Variants in ADCY9 observed in about 807,000 individuals in gnomAD.
ADCY9 encodes adenylate cyclase 9.
A neutral mutation model predicts 101.5 loss-of-function variants in ADCY9; 50 were observed. That is an observed-to-expected ratio of 0.49 (90% CI 0.39 to 0.62). ADCY9 has a LOEUF of 0.62. Ranked by LOEUF, ADCY9 falls within the 20% of genes least tolerant of loss-of-function variation. The pLI is 0.00. For missense variants in ADCY9, 1,662 were observed against 1,800.4 expected, an observed-to-expected ratio of 0.92 and a Z score of 1.39; for synonymous variants, 905 against 769.3, an observed-to-expected ratio of 1.18 and a Z score of -2.92.
At chr16:4,075,496 G>A (rs936450173) in intron 2 of ADCY9, among the ~76,000 whole-genome samples, 3 of 152,138 alleles carry the variant, frequency 2.0e-5, no homozygotes, top group African/African-American at 4.8e-5. Flanking sequence ...TTAAACCCCA[G>A]AGGAACATTA....
In ADCY9 at chr16:3,983,491, G is replaced by A. The variant is rs1290566215; in HGVS notation, c.2311-51C>T. On this transcript the variant is annotated intron_variant, in intron 6 of 10. Coordinates refer to ENST00000294016, the MANE Select transcript of ADCY9 (RefSeq NM_001116.4). ...ATGACTGGGAGGCCATGGGCGGCCA[G>A]GAGCGCAGTTCAGATGGAGAAACAG... is the stretch of plus-strand genomic sequence containing the variant. 3 of 1,486,084 alleles carry A rather than the reference G, an allele frequency of 2.0e-6. No homozygotes were observed. The Admixed American group carries it at 5.8e-5, about 29-fold the overall frequency. 92.1% of individuals were successfully genotyped at this position (1,486,084 alleles called of 1,614,324 possible).
chr16:3,960,856 T>C (rs190999843), downstream of ADCY9, among the ~76,000 whole-genome samples: 264 of 152,336 alleles, frequency 1.7e-3, 1 homozygote, highest in Non-Finnish European at 2.9e-3. Context: ...TGTATAAAAA[T>C]AGACACTTGG....
chr16:3,987,632 G>C (rs575256861), intron 6 of ADCY9, among the ~76,000 whole-genome samples: 8 of 152,192 alleles, frequency 5.3e-5, no homozygotes, highest in Non-Finnish European at 7.3e-5. Flanking sequence ...GGACATTAAC[G>C]GATATTCACT....
At chr16:3,974,555 G>A in intron 10 of ADCY9, 114 bp downstream of exon 10, 2 of 778,256 alleles carry the variant, frequency 2.6e-6, no homozygotes, top group Non-Finnish European at 4.3e-6. Flanking sequence ...TTCTAAGAAT[G>A]CACGTATTGT....
At chr16:4,067,937 A>G (rs564589897) in intron 2 of ADCY9, among the ~76,000 whole-genome samples, 1 of 152,220 alleles carries the variant, frequency 6.6e-6, no homozygotes, top group African/African-American at 2.4e-5. Flanking sequence ...CATAGAATTT[A>G]ATTAATTCTT....
At chr16:3,986,553 G>A (rs2056194999) in intron 6 of ADCY9, among the ~76,000 whole-genome samples, 1 of 152,146 alleles carries the variant, frequency 6.6e-6, no homozygotes, top group African/African-American at 2.4e-5. Context: ...CGCCTCCCGG[G>A]TTCAGGCGAT....
intron 5 of ADCY9, among the ~76,000 whole-genome samples, 194 bp downstream of exon 5, chr16:3,991,952 C>A (rs111685728): frequency 0.022 from 3,363 of 151,296 alleles, 56 homozygotes; most frequent in Non-Finnish European, 0.034. Flanking sequence ...GTGCCAGTAA[C>A]CCCAGCTACT....
At chr16:4,055,180 C>A (rs909351139) in intron 2 of ADCY9, among the ~76,000 whole-genome samples, 9 of 151,388 alleles carry the variant, frequency 5.9e-5, no homozygotes, top group African/African-American at 2.2e-4. Flanking sequence ...GGGAAGGGCC[C>A]CCAGGCCTCA....
chr16:3,970,225 C>G (rs1219008020), intron 10 of ADCY9, among the ~76,000 whole-genome samples: 1 of 152,134 alleles, frequency 6.6e-6, no homozygotes, highest in Non-Finnish European at 1.5e-5. Context: ...GAGACAGGGT[C>G]TCGCCATCTT....
In ADCY9 at chr16:3,965,464, G is replaced by C; in HGVS notation, c.*311C>G. 2.5e-6 allele frequency: 1 copy of C among 392,562 alleles called. No homozygotes were observed. The highest frequency in any genetic ancestry group is 4.2e-5 in the Admixed American group (1 of 24,026). 24.3% of individuals were successfully genotyped at this position (392,562 alleles called of 1,614,324 possible). Reference sequence around the variant, plus strand: ...TTCTAAAAGTCAAATAATACCCAAAGCCATGATCTCCACTGGCGGCCTCTG... The same window carrying C: ...TTCTAAAAGTCAAATAATACCCAAACCCATGATCTCCACTGGCGGCCTCTG... On this transcript the variant is annotated 3_prime_UTR_variant, in exon 11 of 11. Coordinates refer to ENST00000294016, the MANE Select transcript of ADCY9 (RefSeq NM_001116.4).
chr16:3,965,736 C>A lies in ADCY9; in HGVS notation c.*39G>T, dbSNP rs751679431. 3 of 1,562,280 alleles carry A rather than the reference C, an allele frequency of 1.9e-6. No homozygotes were observed. Among genetic ancestry groups the A allele is most frequent in the Non-Finnish European group, 2.6e-6 (3 of 1,148,214 alleles). ...GCCAAATACAAATATTACTGTGTTT[C>A]GACAAACAGAGCACCTCGGGCAGCG... On this transcript the variant is annotated 3_prime_UTR_variant, in exon 11 of 11. Transcript: ENST00000294016.
chr16:4,064,835 A>T (rs927201421), intron 2 of ADCY9, among the ~76,000 whole-genome samples: 1 of 152,140 alleles, frequency 6.6e-6, no homozygotes, highest in Non-Finnish European at 1.5e-5. Context: ...AAAAGAAAAA[A>T]ATGTACAACT....
At chr16:4,018,970 T>TGTGTGTG (rs1555509543) in intron 2 of ADCY9, among the ~76,000 whole-genome samples, 4 of 149,382 alleles carry the variant, frequency 2.7e-5, no homozygotes, top group African/African-American at 7.5e-5. Flanking sequence ...TGTGTGTGTG[T>TGTGTGTG]TTTGTTTTGT....
intron 2 of ADCY9, among the ~76,000 whole-genome samples, chr16:4,008,171 T>G (rs2056379933): frequency 6.6e-6 from 1 of 150,888 alleles, no homozygotes; most frequent in South Asian, 2.1e-4. Context: ...GAGGTCCACA[T>G]GCATTTTATT....
At chr16:4,036,461 TG>T (rs1199595946) in intron 2 of ADCY9, among the ~76,000 whole-genome samples, 3,304 of 98,694 alleles carry the variant, frequency 0.033, 151 homozygotes, top group African/African-American at 0.1. Flanking sequence ...GGGGTTTGTT[TG>T]TTTTTTTTTT....
intron 5 of ADCY9, among the ~76,000 whole-genome samples, chr16:3,955,739 T>C (rs2055903164): frequency 6.6e-6 from 1 of 152,024 alleles, no homozygotes; most frequent in African/African-American, 2.4e-5. Context: ...TTAGTAGAGA[T>C]GGGGTTTCAC....
chr16:3,987,976 G>A (rs1427491381), intron 6 of ADCY9, among the ~76,000 whole-genome samples: 2 of 147,888 alleles, frequency 1.4e-5, no homozygotes, highest in Non-Finnish European at 1.5e-5. Context: ...CTGGGACTCT[G>A]CTGGAGGCTG....
At chr16:4,053,257 G>A (rs1040108911) in intron 2 of ADCY9, among the ~76,000 whole-genome samples, 6 of 152,172 alleles carry the variant, frequency 3.9e-5, no homozygotes, top group Admixed American at 6.5e-5. Flanking sequence ...GAAGTGGGCC[G>A]TCAGGCAATG....
intron 2 of ADCY9, among the ~76,000 whole-genome samples, chr16:4,051,329 T>C (rs1305212916): frequency 2.0e-5 from 3 of 149,654 alleles, no homozygotes; most frequent in Admixed American, 6.7e-5. Context: ...ATTGAGACCA[T>C]CCTGGTTAAC....
Sources: allele counts gnomAD v4.1 joint callset (sites outside exome capture counted in the v4.1 genomes callset), GRCh38; gene constraint gnomAD v4.1.1; transcripts MANE v1.5; gene names NCBI Gene and HGNC (gene_info 2026-07-23, HGNC 2026-07-21).